Variants in HOPX observed in about 807,000 individuals in gnomAD.
The protein encoded by HOPX is HOP homeobox, also known as homeodomain-only protein.
In HOPX, 5 loss-of-function variants were observed where a neutral mutation model predicts 11.8. The ratio of observed to expected loss-of-function variants is 0.43; its 90% CI spans 0.22 to 0.89. HOPX has a LOEUF of 0.89. Ranked by LOEUF, HOPX falls within the 40% of genes least tolerant of loss-of-function variation. The probability of loss-of-function intolerance (pLI) is 0.28; values close to 1 mark genes in which losing one functional copy is unlikely to be tolerated. For missense variants in HOPX, 119 were observed against 120.0 expected (o/e 0.99, Z 0.04); for synonymous variants, 49 against 49.7 (o/e 0.99, Z 0.06).
At chr4:56,669,968 G>C (rs2109535999) in intron 1 of HOPX, among the ~76,000 whole-genome samples, 1 of 152,278 alleles carries the variant, frequency 6.6e-6, no homozygotes, top group Non-Finnish European at 1.5e-5. Flanking sequence ...TTGCAGCTCT[G>C]TGGTTAAAGG....
At chr4:56,663,072 A>G (rs1037686412) in intron 1 of HOPX, 17 of 152,130 alleles carry the variant, frequency 1.1e-4, no homozygotes, top group African/African-American at 3.9e-4. Context: ...CTCTCCTTTC[A>G]AGTTTTGTTC....
At chr4:56,671,649 A>G (rs1167033870) in intron 1 of HOPX, among the ~76,000 whole-genome samples, 1 of 152,036 alleles carries the variant, frequency 6.6e-6, no homozygotes, top group Non-Finnish European at 1.5e-5. Flanking sequence ...CTAATAGGAC[A>G]AACAGAGGGT....
At chr4:56,677,457 G>T (rs1010096105) in intron 1 of HOPX, among the ~76,000 whole-genome samples, 1 of 151,658 alleles carries the variant, frequency 6.6e-6, no homozygotes, top group African/African-American at 2.4e-5. Flanking sequence ...TCCTAGATAT[G>T]TTATCTTGCT....
intron 1 of HOPX, chr4:56,680,963 A>G: frequency 4.3e-6 from 4 of 925,412 alleles, no homozygotes; most frequent in Non-Finnish European, 5.2e-6. Flanking sequence ...ATCTTTCCAA[A>G]ATAGAAGCGA....
chr4:56,671,596 A>AT (rs368008033), intron 1 of HOPX, among the ~76,000 whole-genome samples: 1 of 151,900 alleles, frequency 6.6e-6, no homozygotes, highest in Non-Finnish European at 1.5e-5. Context: ...TATGGACCTG[A>AT]TTTTTTTCCC....
chr4:56,666,770 TA>T (rs1718461458), intron 1 of HOPX, among the ~76,000 whole-genome samples: 1 of 152,212 alleles, frequency 6.6e-6, no homozygotes, highest in Admixed American at 6.5e-5. Flanking sequence ...GTTGCTTTTC[TA>T]AAGGTCTAGT....
Position 56,648,853 on chromosome 4 carries a change from T to G in HOPX, c.199-56A>C, listed in dbSNP as rs547807137. The G allele has an allele frequency of 2.9e-6, 4 of 1,366,504 alleles. No homozygotes were observed. In the East Asian group the frequency reaches 9.3e-5, roughly 32 times the overall value. 84.6% of individuals were successfully genotyped at this position (1,366,504 alleles called of 1,614,324 possible). The stretch of plus-strand genomic sequence containing the variant: ...TCACATACAGAAAAACTGAAATGCC[T>G]GTTCCCTTTCTAAAAGGTAGCCTCT... On this transcript the variant is annotated intron_variant, in intron 3 of 3. Transcript: ENST00000420433.
chr4:56,669,821 G>T (rs564393279), intron 1 of HOPX, among the ~76,000 whole-genome samples: 1 of 151,960 alleles, frequency 6.6e-6, no homozygotes, highest in Non-Finnish European at 1.5e-5. Flanking sequence ...AAAATGCCCC[G>T]GTTGCACCTA....
intron 3 of HOPX, chr4:56,651,085 A>C (rs774395490): frequency 2.0e-5 from 6 of 292,720 alleles, no homozygotes; most frequent in Non-Finnish European, 3.2e-5. Flanking sequence ...GAGGAGGAAA[A>C]TCTCACTTTC....
At chr4:56,677,893 T>G (rs1010003210) in intron 1 of HOPX, among the ~76,000 whole-genome samples, 18 of 151,698 alleles carry the variant, frequency 1.2e-4, no homozygotes, top group African/African-American at 3.4e-4. Context: ...ACAACTTGGC[T>G]GTCCCCCAGA....
intron 1 of HOPX, among the ~76,000 whole-genome samples, chr4:56,671,933 C>T (rs1718756629): frequency 6.6e-6 from 1 of 152,064 alleles, no homozygotes; most frequent in Non-Finnish European, 1.5e-5. Flanking sequence ...CCTGCCCCAC[C>T]TGTCACACAA....
chr4:56,680,992 C>G, intron 1 of HOPX: 2 of 984,310 alleles, frequency 2.0e-6, no homozygotes. Context: ...AACATCTCAC[C>G]TGCTTGGCCA....
At chr4:56,649,456 A>T (rs1367698949) in intron 3 of HOPX, 1 of 152,260 alleles carries the variant, frequency 6.6e-6, no homozygotes, top group African/African-American at 2.4e-5. Context: ...GTTGAATAAG[A>T]TTAATAGGTA....
intron 3 of HOPX, among the ~76,000 whole-genome samples, chr4:56,654,901 T>C (rs1040710659): frequency 8.5e-5 from 13 of 152,152 alleles, no homozygotes; most frequent in African/African-American, 2.9e-4. Flanking sequence ...ACAGGAGAGA[T>C]GCTAGATCAG....
chr4:56,651,824 T>C (rs949898655), intron 3 of HOPX, among the ~76,000 whole-genome samples: 3 of 151,310 alleles, frequency 2.0e-5, no homozygotes, highest in African/African-American at 4.9e-5. Context: ...TCCAGTTACA[T>C]TGTGCTTGAA....
chr4:56,660,236 A>C (rs1469978937), intron 1 of HOPX, among the ~76,000 whole-genome samples: 1 of 152,224 alleles, frequency 6.6e-6, no homozygotes, highest in East Asian at 1.9e-4. Context: ...AAAAATTCTA[A>C]AATTTAAGTT....
intron 1 of HOPX, among the ~76,000 whole-genome samples, chr4:56,661,114 T>G (rs1314926657): frequency 6.6e-6 from 1 of 152,210 alleles, no homozygotes; most frequent in Non-Finnish European, 1.5e-5. Context: ...GTCCAGCCAC[T>G]GCTTTTTAAA....
At chr4:56,650,449 C>T (rs760992110) in intron 3 of HOPX, 1 of 481,188 alleles carries the variant, frequency 2.1e-6, no homozygotes, top group Non-Finnish European at 3.7e-6. Flanking sequence ...AAAGGGAATT[C>T]AGTATATAAG....
intron 1 of HOPX, chr4:56,663,372 G>A (rs979984045): frequency 1.3e-5 from 2 of 152,130 alleles, no homozygotes; most frequent in East Asian, 1.9e-4. Context: ...AAGTTTTGTC[G>A]AGTCAAGGTG....
Sources: gnomAD v4.1 joint callset for allele counts (sites outside exome capture counted in the v4.1 genomes callset) on GRCh38, gnomAD v4.1.1 for gene constraint, MANE v1.5 for transcripts, NCBI Gene and HGNC (gene_info 2026-07-23, HGNC 2026-07-21) for gene names.